The following TANC2 variants were observed in gnomAD, a reference collection of about 807,000 sequenced individuals.
TANC2 encodes the protein tetratricopeptide repeat, ankyrin repeat and coiled-coil containing 2, also known as protein TANC2.
A neutral mutation model predicts 210.5 loss-of-function variants in TANC2; 26 were observed. The observed-to-expected ratio is 0.12, with a 90% confidence interval of 0.09 to 0.17. The LOEUF (loss-of-function observed/expected upper bound fraction) is 0.17. TANC2 is among the 10% of genes least tolerant of loss of function. TANC2 has a pLI of 1.00. For synonymous variants in TANC2, 931 were observed against 967.1 expected (o/e 0.96, Z 0.69); for missense variants, 2,129 against 2,608.9 (o/e 0.82, Z 4.01).
At chr17:62,971,364 A>G (rs868292385) in intron 1 of TANC2, among the ~76,000 whole-genome samples, 2 of 152,110 alleles carry the variant, frequency 1.3e-5, no homozygotes, top group Non-Finnish European at 1.5e-5. Context: ...GGATCTCACT[A>G]TGTCTCCCAG....
At chr17:63,065,163 G>A (rs1000669122) in intron 2 of TANC2, among the ~76,000 whole-genome samples, 5 of 152,120 alleles carry the variant, frequency 3.3e-5, no homozygotes, top group Non-Finnish European at 7.4e-5. Flanking sequence ...TTTTGTGCTT[G>A]ACTTAGTTTA....
chr17:63,038,928 G>A (rs1598297275), intron 2 of TANC2, among the ~76,000 whole-genome samples: 1 of 152,130 alleles, frequency 6.6e-6, no homozygotes, highest in African/African-American at 2.4e-5. Flanking sequence ...GGATAAGAGT[G>A]TATGTGTTTG....
chr17:63,223,641 G>T (rs2042252912), intron 7 of TANC2, among the ~76,000 whole-genome samples: 1 of 151,920 alleles, frequency 6.6e-6, no homozygotes, highest in Non-Finnish European at 1.5e-5. Context: ...TAGAAAAGGG[G>T]CAAGGAGTTC....
At chr17:63,013,762 TAAAAAAAAAAA>T (rs34126221) in intron 2 of TANC2, among the ~76,000 whole-genome samples, 4 of 101,764 alleles carry the variant, frequency 3.9e-5, no homozygotes, top group South Asian at 3.9e-4. Context: ...ACCCTGTCTT[TAAAAAAAAAAA>T]AAAAAAAAAA....
intron 4 of TANC2, among the ~76,000 whole-genome samples, chr17:63,112,874 G>GA (rs892925281): frequency 2.6e-5 from 4 of 152,068 alleles, no homozygotes; most frequent in Admixed American, 6.6e-5. Flanking sequence ...GAAGATTACA[G>GA]AAAAAAATCC....
intron 3 of TANC2, among the ~76,000 whole-genome samples, chr17:63,087,434 G>GT (rs1222267124): frequency 2.0e-5 from 3 of 151,896 alleles, no homozygotes; most frequent in Non-Finnish European, 4.4e-5. Context: ...GTTTTTCTTT[G>GT]TTTTTTGTTT....
chr17:63,178,051 G>A (rs994958549), intron 5 of TANC2, among the ~76,000 whole-genome samples: 2 of 152,218 alleles, frequency 1.3e-5, no homozygotes, highest in African/African-American at 4.8e-5. Context: ...ACTGCCCTGG[G>A]CCAGGTGCGG....
At position 63,327,493 on chromosome 17, in the gene TANC2, A is replaced by G. The variant is rs79456393; in HGVS notation, c.1575+8403A>G. 1.5e-4 allele frequency among the ~76,000 whole-genome samples: 23 copies of G among 152,348 alleles called. No individual in the cohort carries two copies. The East Asian group carries it at 3.9e-3, about 26-fold the overall frequency. ...GCTGAATGGATTCTTTAAGTGTGTT[A>G]TTTTTTTAAAAAAGCAGTTTGGAAA... On this transcript the variant is annotated intron_variant, in intron 11 of 27. Coordinates refer to ENST00000689528, the Ensembl canonical transcript of TANC2.
At chr17:63,031,534 G>C (rs958294560) in intron 2 of TANC2, among the ~76,000 whole-genome samples, 5 of 152,008 alleles carry the variant, frequency 3.3e-5, no homozygotes, top group African/African-American at 1.2e-4. Flanking sequence ...TTACTTTGCT[G>C]TTCTACTTTG....
At chr17:63,055,982 AAAAAAAAAATATATATATATATAT>A (rs778291019) in intron 2 of TANC2, among the ~76,000 whole-genome samples, 7,821 of 33,876 alleles carry the variant, frequency 0.23, 535 homozygotes, top group South Asian at 0.51. Context: ...AAAAAAAAAA[AAAAAAAAAATATATATATATATAT>A]ATATATATAT....
chr17:63,064,792 A>G (rs757199098), intron 2 of TANC2, among the ~76,000 whole-genome samples: 6 of 152,040 alleles, frequency 3.9e-5, no homozygotes, highest in Non-Finnish European at 5.9e-5. Context: ...ATGACATACA[A>G]TGTGATGTTT....
At chr17:63,137,999 C>T (rs2039150333) in intron 4 of TANC2, among the ~76,000 whole-genome samples, 1 of 152,116 alleles carries the variant, frequency 6.6e-6, no homozygotes, top group Admixed American at 6.5e-5. Context: ...TATGGGTAAA[C>T]TGCATGTAAC....
intron 5 of TANC2, among the ~76,000 whole-genome samples, chr17:63,180,030 A>G (rs965935023): frequency 8.0e-5 from 12 of 150,604 alleles, no homozygotes; most frequent in Non-Finnish European, 1.5e-4. Context: ...GGTACCAGCT[A>G]CTCAAGAGGC....
At chr17:63,299,587 G>A (rs1015506056) in intron 9 of TANC2, among the ~76,000 whole-genome samples, 3 of 146,130 alleles carry the variant, frequency 2.1e-5, no homozygotes, top group African/African-American at 5.1e-5. Flanking sequence ...CTTCTTTTGC[G>A]AAGTGTCTGT....
chr17:63,085,705 G>A (rs1170781549), intron 3 of TANC2, among the ~76,000 whole-genome samples: 2 of 151,782 alleles, frequency 1.3e-5, no homozygotes, highest in African/African-American at 4.8e-5. Context: ...GTGTGTATAT[G>A]TATATTATAC....
chr17:63,291,247 T>C (rs1171674078), intron 9 of TANC2, among the ~76,000 whole-genome samples: 1 of 152,226 alleles, frequency 6.6e-6, no homozygotes, highest in Non-Finnish European at 1.5e-5. Context: ...TCCTGAAAGA[T>C]GGCAAACAAA....
At chr17:63,103,461 A>G (rs987059313) in intron 4 of TANC2, among the ~76,000 whole-genome samples, 1 of 152,180 alleles carries the variant, frequency 6.6e-6, no homozygotes, top group Non-Finnish European at 1.5e-5. Flanking sequence ...TAATGTAGTA[A>G]ATGTGTTCAA....
At chr17:63,334,195 C>T (rs549400130) in intron 11 of TANC2, 1 of 152,240 alleles carries the variant, frequency 6.6e-6, no homozygotes, top group African/African-American at 2.4e-5. Context: ...TTCTTAATAT[C>T]ATTCTCCAAT....
intron 8 of TANC2, among the ~76,000 whole-genome samples, chr17:63,261,425 C>G (rs1182408428): frequency 1.3e-5 from 2 of 152,122 alleles, no homozygotes; most frequent in Admixed American, 1.3e-4. Context: ...ACAAAGCTGA[C>G]ACTTACATCT....
Sources: gnomAD v4.1 joint callset for allele counts (sites outside exome capture counted in the v4.1 genomes callset) on GRCh38, gnomAD v4.1.1 for gene constraint, MANE v1.5 for transcripts, NCBI Gene and HGNC (gene_info 2026-07-23, HGNC 2026-07-21) for gene names.